Variants in EXOC4 observed in about 807,000 individuals in gnomAD.
EXOC4 encodes SEC8-like 1.
EXOC4 carries 71 observed loss-of-function variants against 107.2 expected under a neutral mutation model. That is an observed-to-expected ratio of 0.66 (90% CI 0.55 to 0.81). The LOEUF is 0.81. EXOC4 is among the 30% of genes least tolerant of loss of function. The probability of loss-of-function intolerance (pLI) is 0.00; values close to 1 mark genes in which losing one functional copy is unlikely to be tolerated. For synonymous variants in EXOC4, 456 were observed against 441.2 expected, an observed-to-expected ratio of 1.03 and a Z score of -0.42; for missense variants, 1,108 against 1,189.6, an observed-to-expected ratio of 0.93 and a Z score of 1.01.
chr7:133,866,580 T>C (rs1798645507), intron 11 of EXOC4, among the ~76,000 whole-genome samples: 1 of 152,172 alleles, frequency 6.6e-6, no homozygotes, highest in Non-Finnish European at 1.5e-5. Flanking sequence ...ATTTGAGGCA[T>C]TGCCACTTTC....
chr7:133,317,431 T>C (rs2150581856), intron 5 of EXOC4, 41 bp downstream of exon 5: 4 of 1,364,502 alleles, frequency 2.9e-6, no homozygotes, highest in Non-Finnish European at 4.2e-6. Context: ...TTTTAGTATG[T>C]CTTAGTTCCT....
At position 133,385,650 on chromosome 7, in the gene EXOC4, T is replaced by TA. The variant is rs781058619; in HGVS notation, c.1182+10649dup. 1.5e-4 allele frequency among the ~76,000 whole-genome samples: 23 copies of TA among 152,374 alleles called. 1 individual carries two copies. The East Asian group carries it at 2.3e-3, about 15-fold the overall frequency. ...TTAATCCCTTTGATCTTTCTGTTGT[T>TA]ACAGTTTGTCGTATTGCTCCCCATT... On this transcript the variant is annotated intron_variant, in intron 7 of 17. Transcript: ENST00000253861.
At chr7:133,642,175 A>G (rs1206702483) in intron 10 of EXOC4, among the ~76,000 whole-genome samples, 1 of 152,024 alleles carries the variant, frequency 6.6e-6, no homozygotes, top group Admixed American at 6.6e-5. Context: ...TTTTTTTTCC[A>G]GCAAATACTC....
chr7:133,531,198 A>G (rs1178473740), intron 9 of EXOC4, among the ~76,000 whole-genome samples: 1 of 152,172 alleles, frequency 6.6e-6, no homozygotes, highest in African/African-American at 2.4e-5. Flanking sequence ...TTCCTTTAAA[A>G]TATAGATGAT....
chr7:133,879,402 T>C (rs1424315239), intron 11 of EXOC4, among the ~76,000 whole-genome samples: 1 of 152,166 alleles, frequency 6.6e-6, no homozygotes, highest in Non-Finnish European at 1.5e-5. Flanking sequence ...CCTTATTTTG[T>C]AATTATGTTA....
intron 9 of EXOC4, among the ~76,000 whole-genome samples, chr7:133,490,083 C>A (rs772681569): frequency 6.6e-6 from 1 of 152,100 alleles, no homozygotes; most frequent in African/African-American, 2.4e-5. Flanking sequence ...TGTGGTAAGT[C>A]CTCCTAGACC....
intron 11 of EXOC4, among the ~76,000 whole-genome samples, chr7:133,884,383 G>C (rs186171411): frequency 3.3e-5 from 5 of 152,118 alleles, no homozygotes; most frequent in African/African-American, 7.2e-5. Context: ...AAAACTCGGG[G>C]CCTCAATCCC....
At chr7:133,417,347 A>G (rs1397475723) in intron 7 of EXOC4, among the ~76,000 whole-genome samples, 1 of 152,186 alleles carries the variant, frequency 6.6e-6, no homozygotes, top group African/African-American at 2.4e-5. Flanking sequence ...GGAGTTTCCT[A>G]ACAAGGGAAG....
At chr7:133,549,745 G>A (rs865924137) in intron 9 of EXOC4, among the ~76,000 whole-genome samples, 16 of 152,202 alleles carry the variant, frequency 1.1e-4, no homozygotes, top group Middle Eastern at 3.4e-3. Context: ...ACATGTGCTG[G>A]TACATGTATT....
intron 9 of EXOC4, among the ~76,000 whole-genome samples, chr7:133,496,474 T>A (rs1799479415): frequency 1.3e-5 from 2 of 152,138 alleles, no homozygotes; most frequent in South Asian, 4.1e-4. Flanking sequence ...GCCAATATAG[T>A]TTTTCATAGT....
At chr7:133,977,139 G>A (rs1303032668) in intron 14 of EXOC4, among the ~76,000 whole-genome samples, 3 of 152,210 alleles carry the variant, frequency 2.0e-5, no homozygotes. Flanking sequence ...AGCTTTTACA[G>A]AATAATTGAA....
At chr7:133,842,318 A>AT (rs1277923926) in intron 11 of EXOC4, among the ~76,000 whole-genome samples, 2 of 151,762 alleles carry the variant, frequency 1.3e-5, no homozygotes, top group Non-Finnish European at 3.0e-5. Context: ...AGCATCTGTT[A>AT]TTGACTTTTT....
At chr7:133,780,760 G>A (rs1016390707) in intron 10 of EXOC4, among the ~76,000 whole-genome samples, 2 of 152,254 alleles carry the variant, frequency 1.3e-5, no homozygotes, top group South Asian at 2.1e-4. Flanking sequence ...AACAGGTGGC[G>A]CCTGTAGACC....
Position 133,416,019 on chromosome 7 carries a change from A to C in EXOC4, c.1182+41017A>C, listed in dbSNP as rs558909717. Among the ~76,000 whole-genome samples, 4 of 152,282 alleles carry C rather than the reference A, an allele frequency of 2.6e-5. No homozygotes were observed. In the East Asian group the frequency reaches 7.7e-4, roughly 29 times the overall value. The stretch of plus-strand genomic sequence containing the variant: ...TTGTCAACCATGTCAGATCACACAG[A>C]GAGGGAGCAAATGTAGTTAAATAAA... On this transcript the variant is annotated intron_variant, in intron 7 of 17. Coordinates refer to ENST00000253861, the MANE Select transcript of EXOC4 (RefSeq NM_021807.4).
At chr7:133,285,950 G>A in intron 2 of EXOC4, among the ~76,000 whole-genome samples, 1 of 152,090 alleles carries the variant, frequency 6.6e-6, no homozygotes. Flanking sequence ...GGTGGAGACA[G>A]TGTCTCCCTG....
intron 3 of EXOC4, among the ~76,000 whole-genome samples, chr7:133,290,469 C>T (rs534002226): frequency 1.3e-5 from 2 of 152,294 alleles, no homozygotes; most frequent in South Asian, 2.1e-4. Context: ...ATTATGAATG[C>T]ATACTTGTCC....
At chr7:133,473,314 T>C (rs1274304246) in intron 7 of EXOC4, among the ~76,000 whole-genome samples, 2 of 152,332 alleles carry the variant, frequency 1.3e-5, no homozygotes, top group East Asian at 3.9e-4. Context: ...CGAATAATAC[T>C]CTAGTGGCTT....
chr7:133,471,860 A>C (rs901776162), intron 7 of EXOC4, among the ~76,000 whole-genome samples: 1 of 152,194 alleles, frequency 6.6e-6, no homozygotes, highest in Non-Finnish European at 1.5e-5. Flanking sequence ...AGGACTAATA[A>C]TATCAGGCAG....
At chr7:133,959,596 C>G (rs1800894237) in intron 14 of EXOC4, among the ~76,000 whole-genome samples, 1 of 151,792 alleles carries the variant, frequency 6.6e-6, no homozygotes, top group South Asian at 2.1e-4. Context: ...CAGGAATTCT[C>G]AAAATGAAAG....
Sources: gnomAD v4.1 joint callset for allele counts (sites outside exome capture counted in the v4.1 genomes callset) on GRCh38, gnomAD v4.1.1 for gene constraint, MANE v1.5 for transcripts, NCBI Gene and HGNC (gene_info 2026-07-23, HGNC 2026-07-21) for gene names.